The following APPBP2 variants were observed in gnomAD, a reference collection of about 807,000 sequenced individuals.
The protein encoded by APPBP2 is amyloid protein-binding protein 2.
APPBP2 carries 15 observed loss-of-function variants against 76.0 expected under a neutral mutation model. The ratio of observed to expected loss-of-function variants is 0.20; its 90% CI spans 0.13 to 0.30. The LOEUF (loss-of-function observed/expected upper bound fraction) is 0.30, where lower values mean the gene tolerates loss of function less well. Among genes scored for constraint, APPBP2 ranks in the 10% least tolerant of loss-of-function variants. The pLI is 1.00. For synonymous variants in APPBP2, 222 were observed against 242.2 expected (o/e 0.92, Z 0.77); for missense variants, 401 against 687.2 (o/e 0.58, Z 4.66).
At chr17:60,489,281 C>T (rs753261530) in intron 3 of APPBP2, among the ~76,000 whole-genome samples, 4 of 151,114 alleles carry the variant, frequency 2.6e-5, no homozygotes, top group Admixed American at 1.3e-4. Context: ...GAAGTCCCTT[C>T]GGCAACCTGT....
At chr17:60,521,915 T>C (rs2091012755) in intron 1 of APPBP2, among the ~76,000 whole-genome samples, 2 of 152,220 alleles carry the variant, frequency 1.3e-5, no homozygotes, top group Admixed American at 6.5e-5. Context: ...CACTTAATAC[T>C]GTGTTACAAC....
intron 2 of APPBP2, among the ~76,000 whole-genome samples, chr17:60,497,869 T>C (rs1185434482): frequency 6.6e-6 from 1 of 151,972 alleles, no homozygotes; most frequent in Non-Finnish European, 1.5e-5. Context: ...CCAGGCACGG[T>C]GGCTCACACC....
At chr17:60,459,062 C>CGCCCA (rs1380852373) in intron 9 of APPBP2, among the ~76,000 whole-genome samples, 1 of 151,764 alleles carries the variant, frequency 6.6e-6, no homozygotes, top group African/African-American at 2.4e-5. Flanking sequence ...TCAGCCACTG[C>CGCCCA]GCCCAGCCAA....
rs1224832344 is a variant in APPBP2 at position 60,447,640 on chromosome 17, T to C, written c.1699A>G (p.Thr567Ala). ...LEDVSTSPQSTEEVVQSFLIS... is the reference protein window; with the variant it reads ...LEDVSTSPQSAEEVVQSFLIS... ...AGGAAGGACTGCACCACTTCTTCAGTGGACTGGGGGCTGGTGCTGACATCT... is the reference window on the plus strand; with the variant it reads ...AGGAAGGACTGCACCACTTCTTCAGCGGACTGGGGGCTGGTGCTGACATCT... Residue 567 changes from threonine (T) to alanine (A), a missense_variant, in exon 13 of 13, where the codon ACT (threonine) becomes GCT (alanine). Thr to Ala is a moderately conservative substitution (Grantham distance 58). This residue lies in a region of APPBP2 where 56 missense variants were observed against 76.5 expected (regional missense o/e 0.73). Transcript: ENST00000083182. 2 of 1,614,016 alleles carry C rather than the reference T, an allele frequency of 1.2e-6. No individual in the cohort carries two copies. The highest frequency in any genetic ancestry group is 1.7e-6 in the Non-Finnish European group (2 of 1,180,046).
Position 60,458,699 on chromosome 17 carries a change from G to A in APPBP2, c.1061+1964C>T, listed in dbSNP as rs1197191802. 5.3e-5 allele frequency among the ~76,000 whole-genome samples: 8 copies of A among 151,652 alleles called. No individual in the cohort carries two copies. In the East Asian group the frequency reaches 7.8e-4, roughly 15 times the overall value. On this transcript the variant is annotated intron_variant, in intron 9 of 12. Coordinates refer to ENST00000083182, the MANE Select transcript of APPBP2 (RefSeq NM_006380.5). ...AAAACTTTACTTATAGGCCTAGTTC[G>A]TCAACCTATTTTGTATCTTTAATCA...
At chr17:60,511,312 C>G (rs985491986) in intron 1 of APPBP2, among the ~76,000 whole-genome samples, 2 of 152,030 alleles carry the variant, frequency 1.3e-5, no homozygotes, top group East Asian at 3.9e-4. Context: ...TTCTGCCGGG[C>G]GCGGTGGCTC....
In APPBP2 at chr17:60,525,630, A is replaced by G. The variant is rs574737057; in HGVS notation, c.138+164T>C. ...AGCTTAAGAGACAGGGCATAGGGAG[A>G]TGGGGTGCTTCTCCACTGGCAATGC... is the stretch of plus-strand genomic sequence containing the variant. On this transcript the variant is annotated intron_variant, in intron 1 of 12. Coordinates refer to ENST00000083182, the MANE Select transcript of APPBP2 (RefSeq NM_006380.5). Among the ~76,000 whole-genome samples the G allele has an allele frequency of 5.9e-4, 90 of 152,260 alleles. 2 individuals are homozygous for G. The South Asian group carries it at 0.017, about 29-fold the overall frequency.
Position 60,508,656 on chromosome 17 carries a change from G to C in APPBP2, c.139-8169C>G, listed in dbSNP as rs916845281. Among the ~76,000 whole-genome samples the C allele has an allele frequency of 3.0e-4, 46 of 152,088 alleles. 1 individual carries two copies. Among genetic ancestry groups the C allele is most frequent in the Admixed American group, 3.0e-3 (45 of 15,248 alleles). On this transcript the variant is annotated intron_variant, in intron 1 of 12. Coordinates refer to ENST00000083182, the MANE Select transcript of APPBP2 (RefSeq NM_006380.5). ...CTAACTACCTGCCTAAAGAAGTCTAGAACATCTCCTCTAGCTTTAGCAGTC... is the reference window on the plus strand; with the variant it reads ...CTAACTACCTGCCTAAAGAAGTCTACAACATCTCCTCTAGCTTTAGCAGTC...
At chr17:60,510,341 T>C (rs1195491681) in intron 1 of APPBP2, among the ~76,000 whole-genome samples, 2 of 152,112 alleles carry the variant, frequency 1.3e-5, no homozygotes, top group Non-Finnish European at 2.9e-5. Flanking sequence ...AGGTCAAGGC[T>C]GCAGTGAGTC....
chr17:60,517,779 G>A (rs981890203), intron 1 of APPBP2, among the ~76,000 whole-genome samples: 2 of 152,114 alleles, frequency 1.3e-5, no homozygotes, highest in African/African-American at 4.8e-5. Context: ...AATTGTTATA[G>A]CCAGGTAACA....
intron 3 of APPBP2, among the ~76,000 whole-genome samples, chr17:60,481,205 T>C (rs1247909881): frequency 6.6e-6 from 1 of 152,156 alleles, no homozygotes; most frequent in Admixed American, 6.5e-5. Flanking sequence ...CCCCAAGCCA[T>C]AGGTATGGTA....
rs369171892 is a variant in APPBP2 at position 60,494,645 on chromosome 17, T to A, written c.228-28A>T. On this transcript the variant is annotated intron_variant, in intron 2 of 12. Transcript: ENST00000083182. The stretch of plus-strand genomic sequence containing the variant: ...GTAAGAAAAGAAAAAGATTATTTTA[T>A]AGAGTTAATTTATTTTTCTCCTTTT... 3.2e-6 allele frequency: 5 copies of A among 1,546,088 alleles called. No individual in the cohort carries two copies. The African/African-American group carries it at 5.6e-5, about 17-fold the overall frequency.
intron 3 of APPBP2, among the ~76,000 whole-genome samples, chr17:60,491,046 G>C (rs183639631): frequency 1.3e-5 from 2 of 152,206 alleles, no homozygotes; most frequent in African/African-American, 4.8e-5. Flanking sequence ...AGCAACTTTG[G>C]AACTGGGTAA....
chr17:60,480,881 G>A (rs1194849170), intron 3 of APPBP2, among the ~76,000 whole-genome samples: 1 of 152,160 alleles, frequency 6.6e-6, no homozygotes, highest in Non-Finnish European at 1.5e-5. Context: ...TCTCCTTCCT[G>A]TATCTGTTAG....
intron 3 of APPBP2, among the ~76,000 whole-genome samples, chr17:60,488,562 G>A (rs914515159): frequency 5.9e-5 from 9 of 152,156 alleles, no homozygotes; most frequent in Non-Finnish European, 1.2e-4. Context: ...AGGAAATAAT[G>A]TTCTAAAACT....
chr17:60,451,734 C>T (rs1297663588), intron 12 of APPBP2, 146 bp downstream of exon 12: 1 of 633,450 alleles, frequency 1.6e-6, no homozygotes, highest in Non-Finnish European at 2.6e-6. Context: ...CTATCTCGGC[C>T]TCCCAAAGTG....
intron 3 of APPBP2, among the ~76,000 whole-genome samples, chr17:60,491,507 C>T (rs574026579): frequency 5.9e-5 from 9 of 152,144 alleles, no homozygotes; most frequent in African/African-American, 2.2e-4. Context: ...TACAGTGAGG[C>T]GATTTCAACT....
intron 1 of APPBP2, among the ~76,000 whole-genome samples, chr17:60,515,112 A>ATTTTTT (rs746696162): frequency 9.4e-6 from 1 of 106,228 alleles, no homozygotes; most frequent in Non-Finnish European, 2.0e-5. Flanking sequence ...CCTATTTTAA[A>ATTTTTT]TTTTTTTTTT....
intron 6 of APPBP2, 101 bp downstream of exon 6, chr17:60,463,920 A>C (rs2090492616): frequency 1.3e-6 from 1 of 751,214 alleles, no homozygotes. Context: ...ATGCCTACGG[A>C]GTGTACAAAT....
Sources: allele counts gnomAD v4.1 joint callset (sites outside exome capture counted in the v4.1 genomes callset), GRCh38; gene constraint gnomAD v4.1.1; regional missense constraint gnomAD v4.1.1; transcripts MANE v1.5; gene names NCBI Gene and HGNC (gene_info 2026-07-23, HGNC 2026-07-21).